ENTHD1: variants seen among roughly 807,000 people sequenced by gnomAD.
ENTHD1 encodes the protein ENTH domain containing 1.
A neutral mutation model predicts 39.1 loss-of-function variants in ENTHD1; 23 were observed. That is an observed-to-expected ratio of 0.59 (90% CI 0.42 to 0.83). ENTHD1 has a LOEUF of 0.83. ENTHD1 is among the 40% of genes least tolerant of loss of function. ENTHD1 has a pLI of 0.00. For synonymous variants in ENTHD1, 230 were observed against 258.2 expected, an observed-to-expected ratio of 0.89 and a Z score of 1.05; for missense variants, 624 against 705.4, an observed-to-expected ratio of 0.88 and a Z score of 1.31.
chr22:39,759,131 G>T (rs1480837404), intron 6 of ENTHD1, among the ~76,000 whole-genome samples: 1 of 152,148 alleles, frequency 6.6e-6, no homozygotes. Context: ...TTCATAAAAT[G>T]AGTTGGGTAG....
At chr22:39,868,477 C>T (rs190550629) in intron 2 of ENTHD1, among the ~76,000 whole-genome samples, 157 of 152,110 alleles carry the variant, frequency 1.0e-3, no homozygotes, top group Non-Finnish European at 7.1e-4. Flanking sequence ...AGAAAGTCAG[C>T]CAATGAAATC....
At chr22:39,848,017 A>C (rs2066004658) in intron 3 of ENTHD1, among the ~76,000 whole-genome samples, 1 of 152,196 alleles carries the variant, frequency 6.6e-6, no homozygotes, top group Admixed American at 6.5e-5. Context: ...TCCACTTCCA[A>C]GTTCAATCCA....
chr22:39,837,635 G>A (rs1711498651), intron 3 of ENTHD1, among the ~76,000 whole-genome samples: 1 of 152,182 alleles, frequency 6.6e-6, no homozygotes, highest in South Asian at 2.1e-4. Flanking sequence ...AGCATGTTTG[G>A]TATTCTGATA....
intron 5 of ENTHD1, among the ~76,000 whole-genome samples, chr22:39,798,002 T>C (rs939454597): frequency 6.6e-6 from 1 of 152,230 alleles, no homozygotes; most frequent in Admixed American, 6.5e-5. Flanking sequence ...AGTTTTCAGC[T>C]ATTATTTTGT....
intron 5 of ENTHD1, among the ~76,000 whole-genome samples, chr22:39,810,920 A>G (rs1438336038): frequency 6.6e-6 from 1 of 152,234 alleles, no homozygotes; most frequent in Non-Finnish European, 1.5e-5. Context: ...CAACTCTGCT[A>G]TGTCCTTCAA....
At chr22:39,824,739 T>C (rs79699549) in intron 4 of ENTHD1, among the ~76,000 whole-genome samples, 11,477 of 152,216 alleles carry the variant, frequency 0.075, 476 homozygotes, top group South Asian at 0.13. Flanking sequence ...TGTGTGTCTA[T>C]TTCTGGGTTC....
chr22:39,789,886 G>C (rs1368366630), intron 5 of ENTHD1, among the ~76,000 whole-genome samples: 1 of 152,018 alleles, frequency 6.6e-6, no homozygotes, highest in East Asian at 1.9e-4. Context: ...GTTTTATATA[G>C]GGTGATCGGA....
intron 5 of ENTHD1, among the ~76,000 whole-genome samples, chr22:39,766,030 A>AAAAAAAAAAAAAAAAAAAAAAAG (rs2065274652): frequency 7.2e-6 from 1 of 139,330 alleles, no homozygotes; most frequent in Non-Finnish European, 1.5e-5. Context: ...AAAAAAAAAA[A>AAAAAAAAAAAAAAAAAAAAAAAG]AAAAAAAAAA....
chr22:39,868,171 G>A (rs1048352240), intron 2 of ENTHD1, among the ~76,000 whole-genome samples: 1 of 151,966 alleles, frequency 6.6e-6, no homozygotes, highest in Non-Finnish European at 1.5e-5. Flanking sequence ...AAAAGCAGGA[G>A]GATACACATG....
In ENTHD1 at chr22:39,872,180, C is replaced by G. The variant is rs1044692621; in HGVS notation, c.350-10173G>C. Among the ~76,000 whole-genome samples the G allele has an allele frequency of 2.0e-5, 3 of 152,180 alleles. No individual in the cohort carries two copies. In the South Asian group the frequency reaches 6.2e-4, roughly 32 times the overall value. ...CCTGTATCATACTACTAGGAACTGC[C>G]TCATATACCCCAAATCCATCCCTTC... On this transcript the variant is annotated intron_variant, in intron 2 of 6. Coordinates refer to ENST00000325157, the MANE Select transcript of ENTHD1 (RefSeq NM_152512.4).
chr22:39,785,294 C>G (rs997836569), intron 5 of ENTHD1, among the ~76,000 whole-genome samples: 1 of 152,168 alleles, frequency 6.6e-6, no homozygotes, highest in South Asian at 2.1e-4. Flanking sequence ...CCACATCAGC[C>G]ACTCTGTATT....
chr22:39,800,398 T>C (rs2065589161), intron 5 of ENTHD1, among the ~76,000 whole-genome samples: 1 of 152,256 alleles, frequency 6.6e-6, no homozygotes, highest in African/African-American at 2.4e-5. Context: ...AGCCCCTCTC[T>C]ATTCTCTTAT....
At chr22:39,750,184 G>T (rs1220498699) in intron 6 of ENTHD1, 3 of 207,310 alleles carry the variant, frequency 1.4e-5, no homozygotes, top group South Asian at 9.3e-5. Flanking sequence ...TAAAGACTAT[G>T]GATCAACTAG....
chr22:39,787,930 T>C (rs1421417555), intron 5 of ENTHD1, among the ~76,000 whole-genome samples: 2 of 152,192 alleles, frequency 1.3e-5, no homozygotes, highest in Non-Finnish European at 2.9e-5. Context: ...TAACTTTAAG[T>C]GGAAGCCAAT....
chr22:39,868,524 A>G (rs1447064624), intron 2 of ENTHD1, among the ~76,000 whole-genome samples: 2 of 152,190 alleles, frequency 1.3e-5, no homozygotes, highest in African/African-American at 4.8e-5. Context: ...TAAGAATCCC[A>G]GAAGAAAAGC....
chr22:39,811,206 G>A (rs924115052), intron 5 of ENTHD1, among the ~76,000 whole-genome samples: 2 of 152,218 alleles, frequency 1.3e-5, no homozygotes, highest in African/African-American at 4.8e-5. Context: ...CCAACATAAG[G>A]AAAGAAACAT....
At chr22:39,772,962 T>C (rs2065338512) in intron 5 of ENTHD1, among the ~76,000 whole-genome samples, 1 of 151,684 alleles carries the variant, frequency 6.6e-6, no homozygotes, top group Non-Finnish European at 1.5e-5. Context: ...GAACAGTGCT[T>C]TCAAATACAT....
chr22:39,877,037 G>A (rs1388441108), intron 2 of ENTHD1, among the ~76,000 whole-genome samples: 1 of 152,176 alleles, frequency 6.6e-6, no homozygotes, highest in Non-Finnish European at 1.5e-5. Flanking sequence ...AAGAGAGAAT[G>A]TCAGACTACC....
intron 5 of ENTHD1, among the ~76,000 whole-genome samples, chr22:39,815,552 A>C (rs1160653725): frequency 1.3e-5 from 2 of 152,164 alleles, no homozygotes; most frequent in Admixed American, 6.5e-5. Flanking sequence ...TGCAACTAGA[A>C]CTTTGGAAAA....
Sources: gnomAD v4.1 joint callset for allele counts (sites outside exome capture counted in the v4.1 genomes callset) on GRCh38, gnomAD v4.1.1 for gene constraint, MANE v1.5 for transcripts, NCBI Gene and HGNC (gene_info 2026-07-23, HGNC 2026-07-21) for gene names.